The following MIGA1 variants were observed in gnomAD, a reference collection of about 807,000 sequenced individuals.
The protein encoded by MIGA1 is mitoguardin 1.
Under a neutral mutation model 82.0 loss-of-function variants are expected in MIGA1, and 58 were observed. The ratio of observed to expected loss-of-function variants is 0.71; its 90% CI spans 0.57 to 0.88. MIGA1 has a LOEUF of 0.88. Ranked by LOEUF, MIGA1 falls within the 40% of genes least tolerant of loss-of-function variation. The probability of loss-of-function intolerance (pLI) is 0.00; values close to 1 mark genes in which losing one functional copy is unlikely to be tolerated. For synonymous variants in MIGA1, 249 were observed against 253.6 expected (o/e 0.98, Z 0.17); for missense variants, 751 against 749.1 (o/e 1.00, Z -0.03).
At chr1:77,790,388 T>C (rs1570920521) in intron 2 of MIGA1, among the ~76,000 whole-genome samples, 2 of 152,046 alleles carry the variant, frequency 1.3e-5, no homozygotes, top group East Asian at 3.9e-4. Flanking sequence ...TGCCTCAGTC[T>C]CCTGAGTAGC....
chr1:77,871,137 A>AGAGGGAGAGGGAGAGGGG (rs1557940670), intron 14 of MIGA1, among the ~76,000 whole-genome samples: 1 of 144,720 alleles, frequency 6.9e-6, no homozygotes, highest in Admixed American at 6.9e-5. Flanking sequence ...AGGGAGAGGG[A>AGAGGGAGAGGGAGAGGGG]GAGGGCAGCA....
At chr1:77,811,290 T>C (rs1240260700) in intron 5 of MIGA1, 1 of 1,596,876 alleles carries the variant, frequency 6.3e-7, no homozygotes, top group East Asian at 2.2e-5. Context: ...ATGTCATTCC[T>C]GGTTCCGATG....
chr1:77,783,218 T>G lies in MIGA1; in HGVS notation c.82-20T>G. On this transcript the variant is annotated intron_variant, in intron 1 of 15. Transcript: ENST00000370791. ...CAGAAATCTTTGTGGCTAATTTTTT[T>G]TATGTTTCATTTAATGAAGATTAGA... 1 of 1,496,090 alleles carries G rather than the reference T, an allele frequency of 6.7e-7. No homozygotes were observed. The highest frequency in any genetic ancestry group is 1.4e-5 in the African/African-American group (1 of 72,336). 92.7% of individuals were successfully genotyped at this position (1,496,090 alleles called of 1,614,324 possible). A position where few individuals can be genotyped will look rare whatever the true frequency, so the allele number is the denominator to read the frequency against.
At chr1:77,780,346 T>C (rs1285368013) in intron 1 of MIGA1, among the ~76,000 whole-genome samples, 1 of 152,192 alleles carries the variant, frequency 6.6e-6, no homozygotes, top group Non-Finnish European at 1.5e-5. Context: ...TTCTGTAAAG[T>C]TGTTAAATTA....
intron 8 of MIGA1, 42 bp from the exon 9 acceptor site, chr1:77,858,896 T>A (rs1324007509): frequency 8.6e-7 from 1 of 1,161,298 alleles, no homozygotes; most frequent in South Asian, 1.3e-5. Flanking sequence ...CATGAGCCAC[T>A]GCACCTAGCC....
intron 8 of MIGA1, among the ~76,000 whole-genome samples, chr1:77,845,005 A>G (rs1050038542): frequency 2.0e-5 from 3 of 152,146 alleles, no homozygotes; most frequent in African/African-American, 7.2e-5. Context: ...CAGAAGTAGT[A>G]TTACACATCT....
Position 77,876,249 on chromosome 1 carries a change from G to A in MIGA1, c.*1185G>A, listed in dbSNP as rs1296332440. On this transcript the variant is annotated 3_prime_UTR_variant, in exon 16 of 16. Coordinates refer to ENST00000370791, the MANE Select transcript of MIGA1 (RefSeq NM_198549.4). ...CACTTGAGTCCAGAAGGTCAAGGCT[G>A]TCATGAGCTGTGATTGCATCACTGC... The A allele has an allele frequency of 1.3e-5, 2 of 152,274 alleles. No individual in the cohort carries two copies. The highest frequency in any genetic ancestry group is 4.8e-5 in the African/African-American group (2 of 41,452). 9.4% of individuals were successfully genotyped at this position (152,274 alleles called of 1,614,324 possible).
At chr1:77,819,922 C>G (rs573081872) in intron 7 of MIGA1, among the ~76,000 whole-genome samples, 1 of 152,000 alleles carries the variant, frequency 6.6e-6, no homozygotes, top group Non-Finnish European at 1.5e-5. Context: ...TATTGACTTA[C>G]CACTTATAGG....
At chr1:77,832,098 C>T (rs957189489) in intron 7 of MIGA1, among the ~76,000 whole-genome samples, 1 of 152,100 alleles carries the variant, frequency 6.6e-6, no homozygotes, top group Non-Finnish European at 1.5e-5. Context: ...AACACTGAAG[C>T]CTGTGTGATA....
At chr1:77,838,027 A>AT (rs1486120717) in intron 7 of MIGA1, among the ~76,000 whole-genome samples, 1 of 152,216 alleles carries the variant, frequency 6.6e-6, no homozygotes, top group Non-Finnish European at 1.5e-5. Flanking sequence ...GAAAGCATTC[A>AT]TTGTCTTACC....
Position 77,784,820 on chromosome 1 carries a change from A to G in MIGA1, c.195+1469A>G, listed in dbSNP as rs1570912828. On this transcript the variant is annotated intron_variant, in intron 2 of 15. Transcript: ENST00000370791. ...TGGGGAGGTCTCACAATCATGGTGG[A>G]AGGTGAAAATCACATCTCATATGGC... 3.3e-5 allele frequency among the ~76,000 whole-genome samples: 5 copies of G among 152,320 alleles called. 1 individual carries two copies. Among genetic ancestry groups the G allele is most frequent in the Admixed American group, 3.3e-4 (5 of 15,304 alleles).
chr1:77,787,923 C>A (rs968987274), intron 2 of MIGA1, among the ~76,000 whole-genome samples: 2 of 150,750 alleles, frequency 1.3e-5, no homozygotes, highest in African/African-American at 4.9e-5. Context: ...TCAAGCAATT[C>A]TCCTGCCTCA....
intron 2 of MIGA1, among the ~76,000 whole-genome samples, chr1:77,796,791 A>T (rs1392923738): frequency 6.6e-6 from 1 of 152,116 alleles, no homozygotes; most frequent in Non-Finnish European, 1.5e-5. Flanking sequence ...TCCATCTGTG[A>T]TCCCATATCC....
At chr1:77,817,035 T>G (rs1178977568) in intron 7 of MIGA1, among the ~76,000 whole-genome samples, 1 of 152,218 alleles carries the variant, frequency 6.6e-6, no homozygotes, top group Non-Finnish European at 1.5e-5. Flanking sequence ...TGGCAGTTTC[T>G]TTTAGCCTCA....
At chr1:77,826,606 C>T (rs536711342) in intron 7 of MIGA1, among the ~76,000 whole-genome samples, 13 of 152,118 alleles carry the variant, frequency 8.5e-5, no homozygotes, top group Admixed American at 6.5e-4. Context: ...TTCCTGAGTA[C>T]CTGGGACTAC....
chr1:77,802,872 T>C (rs1461987549), intron 3 of MIGA1, among the ~76,000 whole-genome samples: 4 of 152,054 alleles, frequency 2.6e-5, no homozygotes, highest in African/African-American at 9.7e-5. Context: ...CTAATTTCAA[T>C]GCAATGAGAT....
intron 2 of MIGA1, among the ~76,000 whole-genome samples, chr1:77,787,211 C>T (rs1312850884): frequency 6.6e-6 from 1 of 152,128 alleles, no homozygotes; most frequent in African/African-American, 2.4e-5. Context: ...GTCCCTCTCA[C>T]AACACATGGG....
chr1:77,856,877 G>A (rs1383994953), intron 8 of MIGA1, among the ~76,000 whole-genome samples: 2 of 151,414 alleles, frequency 1.3e-5, no homozygotes, highest in African/African-American at 2.4e-5. Flanking sequence ...ATTTCATTTA[G>A]TTCTGCTCTG....
At position 77,779,707 on chromosome 1, in the gene MIGA1, A is replaced by T. The variant is rs1278125555; in HGVS notation, c.52A>T (p.Arg18Trp). 3 of 1,561,454 alleles carry T rather than the reference A, an allele frequency of 1.9e-6. No individual in the cohort carries two copies. In the African/African-American group the frequency reaches 4.1e-5, roughly 21 times the overall value. The change falls in exon 1 of 16, where the codon AGG (arginine) becomes TGG (tryptophan). Residue 18 changes from arginine to tryptophan, a missense_variant. Physicochemically the swap from Arg to Trp is moderately radical, Grantham distance 101. Transcript: ENST00000370791. ...CATCAGCTGGGAAGCTGGCGTGGGC[A>T]GGCCAGCTGTACCTGGCCTGGAGCT...
Sources: gnomAD v4.1 joint callset for allele counts (sites outside exome capture counted in the v4.1 genomes callset) on GRCh38, gnomAD v4.1.1 for gene constraint, MANE v1.5 for transcripts, NCBI Gene and HGNC (gene_info 2026-07-23, HGNC 2026-07-21) for gene names.